The following HDAC9 variants were observed in gnomAD, a reference collection of about 807,000 sequenced individuals.
HDAC9 encodes histone deacetylase 9, also known as MEF-2 interacting transcription repressor (MITR) protein.
A neutral mutation model predicts 139.4 loss-of-function variants in HDAC9; 41 were observed. That is an observed-to-expected ratio of 0.29 (90% CI 0.23 to 0.38). HDAC9 has a LOEUF of 0.38. HDAC9 is among the 10% of genes least tolerant of loss of function. The pLI, the probability that HDAC9 is intolerant of heterozygous loss-of-function variation, is 1.00. For synonymous variants in HDAC9, 517 were observed against 476.2 expected, an observed-to-expected ratio of 1.09 and a Z score of -1.12; for missense variants, 1,147 against 1,297.0, an observed-to-expected ratio of 0.88 and a Z score of 1.78.
intron 2 of HDAC9, among the ~76,000 whole-genome samples, chr7:18,163,887 G>GGTCT (rs1403689666): frequency 6.6e-6 from 1 of 152,054 alleles, no homozygotes; most frequent in Non-Finnish European, 1.5e-5. Flanking sequence ...AGTGGATGTT[G>GGTCT]GTCTACCCTG....
intron 1 of HDAC9, among the ~76,000 whole-genome samples, chr7:18,374,961 G>C (rs910663141): frequency 6.6e-6 from 1 of 152,084 alleles, no homozygotes; most frequent in Non-Finnish European, 1.5e-5. Context: ...AGCCTAATCT[G>C]CCAGTTGCAT....
intron 1 of HDAC9, among the ~76,000 whole-genome samples, chr7:18,401,296 C>G (rs914766240): frequency 6.6e-6 from 1 of 152,172 alleles, no homozygotes; most frequent in Middle Eastern, 3.2e-3. Context: ...CCTCTCTACT[C>G]TGTATACATC....
At chr7:18,294,745 CAGAGT>C (rs2128226582) in intron 1 of HDAC9, among the ~76,000 whole-genome samples, 1 of 152,092 alleles carries the variant, frequency 6.6e-6, no homozygotes, top group African/African-American at 2.4e-5. Flanking sequence ...AAACTAGTTG[CAGAGT>C]GGAGAATAGA....
chr7:18,541,225 G>A (rs753386791), intron 2 of HDAC9, among the ~76,000 whole-genome samples: 4 of 117,076 alleles, frequency 3.4e-5, no homozygotes, highest in Non-Finnish European at 6.5e-5. Context: ...GATAGCCTTT[G>A]CCATGCCTTC....
chr7:18,384,273 A>C (rs1176586023), intron 1 of HDAC9, among the ~76,000 whole-genome samples: 1 of 152,100 alleles, frequency 6.6e-6, no homozygotes, highest in Non-Finnish European at 1.5e-5. Context: ...GTGCCGCTGC[A>C]CTTCAACCTG....
At chr7:18,178,982 G>T (rs944955591) in intron 2 of HDAC9, among the ~76,000 whole-genome samples, 1 of 152,174 alleles carries the variant, frequency 6.6e-6, no homozygotes, top group Non-Finnish European at 1.5e-5. Context: ...CTCCATTAAA[G>T]ATGTGTTTTT....
At chr7:18,753,148 A>G (rs547775481) in intron 14 of HDAC9, among the ~76,000 whole-genome samples, 17 of 152,262 alleles carry the variant, frequency 1.1e-4, no homozygotes, top group Admixed American at 3.3e-4. Flanking sequence ...GAAGGTTACT[A>G]TATGGTGTGA....
At chr7:18,882,868 G>A (rs962761137) in intron 22 of HDAC9, among the ~76,000 whole-genome samples, 2 of 152,062 alleles carry the variant, frequency 1.3e-5, no homozygotes, top group African/African-American at 4.8e-5. Context: ...ACTCCTGTTT[G>A]AAGAAAATGG....
chr7:18,732,574 C>CGT (rs137922927), intron 13 of HDAC9, among the ~76,000 whole-genome samples: 5,818 of 96,914 alleles, frequency 0.06, 37 homozygotes, highest in East Asian at 0.16. Context: ...TATATATGTG[C>CGT]ATGTGTATAT....
intron 2 of HDAC9, among the ~76,000 whole-genome samples, chr7:18,578,702 A>G (rs1386200603): frequency 2.6e-5 from 4 of 152,246 alleles, no homozygotes; most frequent in Non-Finnish European, 4.4e-5. Flanking sequence ...TTGCAGTCCC[A>G]GAGAAAACTT....
intron 2 of HDAC9, among the ~76,000 whole-genome samples, chr7:18,279,902 T>G (rs1796994169): frequency 6.6e-6 from 1 of 152,218 alleles, no homozygotes; most frequent in Non-Finnish European, 1.5e-5. Flanking sequence ...AATTTTTCAT[T>G]TATCTCTTCT....
chr7:18,842,811 C>T (rs1364619061), intron 21 of HDAC9, among the ~76,000 whole-genome samples: 1 of 152,066 alleles, frequency 6.6e-6, no homozygotes, highest in Non-Finnish European at 1.5e-5. Context: ...ATCTTATGCA[C>T]ACCTGTCTTC....
intron 6 of HDAC9, among the ~76,000 whole-genome samples, chr7:18,596,881 G>A (rs1346793507): frequency 6.6e-6 from 1 of 152,106 alleles, no homozygotes; most frequent in African/African-American, 2.4e-5. Context: ...AGATTTACGA[G>A]AGTAAAACTG....
chr7:18,826,341 A>G (rs951089367), intron 17 of HDAC9, among the ~76,000 whole-genome samples: 2 of 152,024 alleles, frequency 1.3e-5, no homozygotes, highest in Non-Finnish European at 2.9e-5. Context: ...CCACTTGAGC[A>G]GATTGTGGGA....
chr7:18,483,735 A>C (rs1795756519), intron 1 of HDAC9, among the ~76,000 whole-genome samples: 1 of 152,136 alleles, frequency 6.6e-6, no homozygotes, highest in Admixed American at 6.6e-5. Context: ...ATTTATCTCA[A>C]ATTTTCTAAA....
chr7:18,132,821 T>C (rs1785107297), intron 1 of HDAC9, among the ~76,000 whole-genome samples: 1 of 152,140 alleles, frequency 6.6e-6, no homozygotes, highest in Non-Finnish European at 1.5e-5. Context: ...TGCAAGACCT[T>C]TTCAAATGAT....
intron 19 of HDAC9, among the ~76,000 whole-genome samples, chr7:18,832,273 T>C (rs1795907326): frequency 6.6e-6 from 1 of 152,260 alleles, no homozygotes; most frequent in Non-Finnish European, 1.5e-5. Flanking sequence ...GGAAAGTTAA[T>C]TCAAATGTCC....
At chr7:18,513,152 C>A (rs1325116729) in intron 2 of HDAC9, among the ~76,000 whole-genome samples, 1 of 152,112 alleles carries the variant, frequency 6.6e-6, no homozygotes, top group African/African-American at 2.4e-5. Context: ...ATGCAGGTTA[C>A]AATTTAAATT....
intron 5 of HDAC9, among the ~76,000 whole-genome samples, chr7:18,592,573 G>A (rs1053887829): frequency 6.6e-6 from 1 of 151,936 alleles, no homozygotes; most frequent in African/African-American, 2.4e-5. Context: ...TGATTACTCT[G>A]TTATATTAAT....
Sources: allele counts gnomAD v4.1 joint callset (sites outside exome capture counted in the v4.1 genomes callset), GRCh38; gene constraint gnomAD v4.1.1; transcripts MANE v1.5; gene names NCBI Gene and HGNC (gene_info 2026-07-23, HGNC 2026-07-21).